Variants in APBA2 observed in about 807,000 individuals in gnomAD.
The protein encoded by APBA2 is amyloid-beta A4 precursor protein-binding family A member 2.
A neutral mutation model predicts 75.0 loss-of-function variants in APBA2; 30 were observed. The observed-to-expected ratio is 0.40, with a 90% CI of 0.30 to 0.54. The LOEUF (loss-of-function observed/expected upper bound fraction) is 0.54. Ranked by LOEUF, APBA2 falls within the 20% of genes least tolerant of loss-of-function variation. APBA2 has a pLI of 0.49. For missense variants in APBA2, 801 were observed against 1,016.1 expected, an observed-to-expected ratio of 0.79 and a Z score of 2.88; for synonymous variants, 444 against 409.6, an observed-to-expected ratio of 1.08 and a Z score of -1.01.
At chr15:29,056,211 GC>G (rs2041878634) in intron 4 of APBA2, among the ~76,000 whole-genome samples, 1 of 152,214 alleles carries the variant, frequency 6.6e-6, no homozygotes, top group African/African-American at 2.4e-5. Context: ...TGTGCTTCAT[GC>G]TAACCAGATG....
At chr15:28,912,059 AT>A in intron 1 of APBA2, among the ~76,000 whole-genome samples, 1 of 152,100 alleles carries the variant, frequency 6.6e-6, no homozygotes, top group Non-Finnish European at 1.5e-5. Context: ...ATCTGTTTGA[AT>A]TTTTAGTTTC....
chr15:28,948,119 G>C (rs1483217766), intron 2 of APBA2, among the ~76,000 whole-genome samples: 1 of 152,116 alleles, frequency 6.6e-6, no homozygotes, highest in Non-Finnish European at 1.5e-5. Flanking sequence ...TGTTTTCAGG[G>C]GGCATTTGCA....
At chr15:28,955,126 G>T (rs2036098396) in intron 2 of APBA2, among the ~76,000 whole-genome samples, 1 of 152,086 alleles carries the variant, frequency 6.6e-6, no homozygotes, top group Non-Finnish European at 1.5e-5. Flanking sequence ...CAGACAGTTT[G>T]ATTTTCAACC....
chr15:28,921,851 C>T (rs749055891), intron 2 of APBA2, 102 bp downstream of exon 2: 1 of 152,208 alleles, frequency 6.6e-6, no homozygotes, highest in Non-Finnish European at 1.5e-5. Context: ...GTTATAGCCA[C>T]GATGGCCCTC....
chr15:29,093,495 C>T (rs1209076561), intron 7 of APBA2, among the ~76,000 whole-genome samples: 1 of 152,270 alleles, frequency 6.6e-6, no homozygotes, highest in Non-Finnish European at 1.5e-5. Flanking sequence ...GCATTCTAGT[C>T]ATCAAACAAT....
chr15:29,085,677 CTTCTTTAGGTTG>C (rs1387524573), intron 6 of APBA2, among the ~76,000 whole-genome samples: 1 of 151,996 alleles, frequency 6.6e-6, no homozygotes, highest in East Asian at 1.9e-4. Flanking sequence ...CCAATAAGAG[CTTCTTTAGGTTG>C]TTTTCTGAGT....
intron 4 of APBA2, among the ~76,000 whole-genome samples, chr15:29,068,368 A>T (rs181695063): frequency 6.6e-6 from 1 of 152,378 alleles, no homozygotes; most frequent in Non-Finnish European, 1.5e-5. Flanking sequence ...GGGTTGATGA[A>T]GATTTTCTCA....
chr15:28,990,852 T>C (rs1311352912), intron 2 of APBA2: 3 of 152,206 alleles, frequency 2.0e-5, no homozygotes, highest in African/African-American at 2.4e-5. Flanking sequence ...ATTTGTACAT[T>C]ATTACTAAGT....
At chr15:29,095,910 C>G (rs1018134932) in intron 8 of APBA2, among the ~76,000 whole-genome samples, 3 of 152,224 alleles carry the variant, frequency 2.0e-5, no homozygotes, top group Non-Finnish European at 4.4e-5. Context: ...CGCTTGCAGC[C>G]TCCTAGTCCA....
chr15:28,985,799 C>T (rs545510719), intron 2 of APBA2, among the ~76,000 whole-genome samples: 5 of 152,288 alleles, frequency 3.3e-5, no homozygotes, highest in East Asian at 3.9e-4. Context: ...TTCTATGAAA[C>T]GCACTTCTGC....
rs565069098 is a variant in APBA2 at position 29,075,521 on chromosome 15, A to G, written c.1032+520A>G. Among the ~76,000 whole-genome samples the G allele has an allele frequency of 5.9e-5, 9 of 152,294 alleles. No homozygotes were observed. The South Asian group carries it at 1.7e-3, about 28-fold the overall frequency. ...CAAAAATGTCTCCAGACATTGCCTAATGATGTCCCTTTGGGAACAAAAATC... is the reference window on the plus strand; with the variant it reads ...CAAAAATGTCTCCAGACATTGCCTAGTGATGTCCCTTTGGGAACAAAAATC... On this transcript the variant is annotated intron_variant, in intron 5 of 14. Coordinates refer to ENST00000683413, the MANE Select transcript of APBA2 (RefSeq NM_001353788.2).
rs547743940 is a variant in APBA2 at position 28,957,214 on chromosome 15, A to G, written c.-95+35465A>G. Among the ~76,000 whole-genome samples, 96 of 151,496 alleles carry G rather than the reference A, an allele frequency of 6.3e-4. 2 individuals carry two copies. The East Asian group carries it at 0.016, about 25-fold the overall frequency. ...CAGCCTCCCGAGTAGCTGGGACTAC[A>G]GGCGCCCGCCACCGTGCCTGGCTAA... On this transcript the variant is annotated intron_variant, in intron 2 of 14. Transcript: ENST00000683413.
intron 3 of APBA2, among the ~76,000 whole-genome samples, chr15:29,023,141 C>T (rs11070209): frequency 0.36 from 55,114 of 152,000 alleles, 16,275 homozygotes; most frequent in African/African-American, 0.79. Flanking sequence ...AAAAATGCCT[C>T]CTTCTTCCCC....
chr15:28,939,210 A>C (rs1048701897), intron 2 of APBA2, among the ~76,000 whole-genome samples: 1 of 152,174 alleles, frequency 6.6e-6, no homozygotes, highest in African/African-American at 2.4e-5. Context: ...TTAGTGCTGA[A>C]TAACACTCCA....
rs536714238 is a variant in APBA2, at chr15:29,105,486, C to T, written c.1632C>T (p.Ser544=). Residue 544 remains serine, a synonymous_variant, in exon 11 of 15, where the codon AGC becomes AGT. Transcript: ENST00000683413. ...NPEDLSQKEY[S]DIINTQEMYN... ...AAGACTTGAGCCAGAAGGAATACAG[C>T]GACATCATCAACACCCAGGAGATGT... 5.1e-5 allele frequency: 83 copies of T among 1,613,952 alleles called. No homozygotes were observed. Among genetic ancestry groups the T allele is most frequent in the Admixed American group, 8.3e-5 (5 of 60,016 alleles).
intron 1 of APBA2, among the ~76,000 whole-genome samples, chr15:28,892,027 C>T (rs1288737705): frequency 6.6e-6 from 1 of 152,188 alleles, no homozygotes; most frequent in Non-Finnish European, 1.5e-5. Context: ...GTCTTGCAAG[C>T]TCCATTCATG....
At chr15:28,910,152 A>G (rs2033361352) in intron 1 of APBA2, among the ~76,000 whole-genome samples, 1 of 152,170 alleles carries the variant, frequency 6.6e-6, no homozygotes, top group Non-Finnish European at 1.5e-5. Flanking sequence ...GGGGAATGTG[A>G]TGTTTCATTA....
At chr15:28,994,280 A>C (rs977053187) in intron 2 of APBA2, among the ~76,000 whole-genome samples, 1 of 152,194 alleles carries the variant, frequency 6.6e-6, no homozygotes, top group African/African-American at 2.4e-5. Context: ...TCTGACGTTC[A>C]CACAGGAAGC....
In APBA2 at chr15:29,106,791, C is replaced by G; in HGVS notation, c.1889C>G (p.Pro630Arg). 6.2e-7 allele frequency: 1 copy of G among 1,612,920 alleles called. No homozygotes were observed. The highest frequency in any genetic ancestry group is 1.1e-5 in the South Asian group (1 of 91,088). The stretch of plus-strand genomic sequence containing the variant: ...AATGGCACCAGCCTGGTGGGGCTGC[C>G]CCTCGCCACCTGCCAAGGCATCATC... ...SINGTSLVGLPLATCQGIIKG... is the reference protein window; with the variant it reads ...SINGTSLVGLRLATCQGIIKG... Residue 630 changes from proline (P) to arginine (R), a missense_variant, in exon 12 of 15, where the codon CCC (proline) becomes CGC (arginine). By Grantham distance (103) the Pro-to-Arg change is moderately radical. Transcript: ENST00000683413.
Sources: gnomAD v4.1 joint callset for allele counts (sites outside exome capture counted in the v4.1 genomes callset) on GRCh38, gnomAD v4.1.1 for gene constraint, MANE v1.5 for transcripts, NCBI Gene and HGNC (gene_info 2026-07-23, HGNC 2026-07-21) for gene names.